The following PRTFDC1 variants were observed in gnomAD, a reference collection of about 807,000 sequenced individuals.
The protein encoded by PRTFDC1 is phosphoribosyl transferase domain containing 1.
In PRTFDC1, 38 loss-of-function variants were observed where a neutral mutation model predicts 34.6. The observed-to-expected ratio is 1.10, with a 90% CI of 0.85 to 1.44. PRTFDC1 has a LOEUF of 1.44. PRTFDC1 is among the 40% of genes most tolerant of loss of function. The probability of loss-of-function intolerance (pLI) is 0.00; values close to 1 mark genes in which losing one functional copy is unlikely to be tolerated. For missense variants in PRTFDC1, 270 were observed against 283.0 expected (o/e 0.95, Z 0.33); for synonymous variants, 93 against 98.1 (o/e 0.95, Z 0.31).
At chr10:24,902,381 C>T (rs542976872) in intron 3 of PRTFDC1, among the ~76,000 whole-genome samples, 62 of 152,296 alleles carry the variant, frequency 4.1e-4, no homozygotes, top group Middle Eastern at 3.4e-3. Context: ...AGACTGTAAC[C>T]TTCAGTACAG....
chr10:24,901,211 T>C (rs759766376), intron 3 of PRTFDC1, among the ~76,000 whole-genome samples: 4 of 152,194 alleles, frequency 2.6e-5, no homozygotes, highest in Non-Finnish European at 5.9e-5. Context: ...TTCTTGTTTT[T>C]TGAATGGCAG....
At chr10:24,935,305 A>T (rs1221247864) in intron 3 of PRTFDC1, among the ~76,000 whole-genome samples, 2 of 152,194 alleles carry the variant, frequency 1.3e-5, no homozygotes, top group East Asian at 1.9e-4. Flanking sequence ...GAATGAGAGA[A>T]ATCTGGTATG....
chr10:24,867,343 T>G (rs1588578830), intron 4 of PRTFDC1, among the ~76,000 whole-genome samples: 1 of 152,320 alleles, frequency 6.6e-6, no homozygotes, highest in East Asian at 1.9e-4. Flanking sequence ...CAAGTGCTCC[T>G]GCAGGCTCCG....
intron 3 of PRTFDC1, among the ~76,000 whole-genome samples, chr10:24,880,811 TTC>T (rs1304323137): frequency 3.1e-4 from 43 of 137,236 alleles, no homozygotes; most frequent in African/African-American, 9.0e-4. Flanking sequence ...TTTACTGTCT[TTC>T]TCTTTCTTTC....
At chr10:24,876,572 T>A (rs1847967407) in intron 3 of PRTFDC1, among the ~76,000 whole-genome samples, 1 of 151,620 alleles carries the variant, frequency 6.6e-6, no homozygotes, top group Non-Finnish European at 1.5e-5. Context: ...TGCACACCTA[T>A]AGTCCCAGCT....
At chr10:24,872,807 T>TATATATATATATATATA (rs1491555567) in intron 3 of PRTFDC1, among the ~76,000 whole-genome samples, 1 of 83,398 alleles carries the variant, frequency 1.2e-5, no homozygotes, top group African/African-American at 7.7e-5. Flanking sequence ...TATATATATA[T>TATATATATATATATATA]TTTTTTTTTT....
intron 8 of PRTFDC1, 40 bp from the exon 9 acceptor site, chr10:24,849,931 A>C: frequency 6.3e-7 from 1 of 1,595,778 alleles, no homozygotes; most frequent in Non-Finnish European, 8.6e-7. Flanking sequence ...GTTTCTTAAC[A>C]AAATATGAGA....
intron 1 of PRTFDC1, among the ~76,000 whole-genome samples, chr10:24,945,933 A>G (rs1338965400): frequency 6.6e-6 from 1 of 152,154 alleles, no homozygotes. Flanking sequence ...CCAGCTGTAC[A>G]TGAGGAGATT....
intron 4 of PRTFDC1, among the ~76,000 whole-genome samples, chr10:24,870,625 C>G (rs1298453646): frequency 6.6e-6 from 1 of 152,168 alleles, no homozygotes; most frequent in Non-Finnish European, 1.5e-5. Flanking sequence ...AGTATTTTAG[C>G]TTTCTAGGAT....
In PRTFDC1 at chr10:24,908,712, T is replaced by G. The variant is rs142359857; in HGVS notation, c.339+28472A>C. On this transcript the variant is annotated intron_variant, in intron 3 of 8. Transcript: ENST00000320152. Reference sequence around the variant, plus strand: ...TTTGGGAGAGACACACATGGAGCAGTGAGGGAGGAAGGAGACACCTACCTA... The same window carrying G: ...TTTGGGAGAGACACACATGGAGCAGGGAGGGAGGAAGGAGACACCTACCTA... 1,850 of 1,558,040 alleles carry G rather than the reference T, an allele frequency of 1.2e-3. 36 individuals are homozygous for G. In the Admixed American group the frequency reaches 0.025, roughly 21 times the overall value.
chr10:24,862,180 A>G (rs908595043), intron 4 of PRTFDC1, among the ~76,000 whole-genome samples: 5 of 152,196 alleles, frequency 3.3e-5, no homozygotes, highest in Non-Finnish European at 7.3e-5. Flanking sequence ...TGTATAGCCA[A>G]ACTATTATAA....
chr10:24,887,438 C>T (rs538900683), intron 3 of PRTFDC1, among the ~76,000 whole-genome samples: 3 of 144,280 alleles, frequency 2.1e-5, no homozygotes, highest in South Asian at 2.3e-4. Context: ...TGAGTTCTCA[C>T]GAGATCTGAT....
chr10:24,856,702 A>AC (rs1847583207), intron 6 of PRTFDC1, among the ~76,000 whole-genome samples: 1 of 152,256 alleles, frequency 6.6e-6, no homozygotes, highest in East Asian at 1.9e-4. Context: ...AGAGGAACTC[A>AC]GAAACACGGC....
At chr10:24,943,422 A>G (rs1011910497) in intron 1 of PRTFDC1, among the ~76,000 whole-genome samples, 1 of 152,136 alleles carries the variant, frequency 6.6e-6, no homozygotes, top group Admixed American at 6.5e-5. Context: ...AATAGTAAAG[A>G]GGTGGGGGAG....
At chr10:24,951,189 A>G (rs1174154298) in intron 1 of PRTFDC1, among the ~76,000 whole-genome samples, 3 of 152,084 alleles carry the variant, frequency 2.0e-5, no homozygotes, top group Admixed American at 2.0e-4. Flanking sequence ...CACCGCAGAG[A>G]GGCTGCCCTG....
At chr10:24,900,086 C>T (rs2132551993) in intron 3 of PRTFDC1, among the ~76,000 whole-genome samples, 1 of 152,334 alleles carries the variant, frequency 6.6e-6, no homozygotes, top group Admixed American at 6.5e-5. Context: ...GCTATTCCAT[C>T]AATGGGCAGA....
rs1555048865 is a variant in PRTFDC1 at position 24,895,709 on chromosome 10, A to ATATATATATC, written c.340-23647_340-23646insGATATATATA. ...GGTGGATATATATATATATATATAT[A>ATATATATATC]TATATATATATATATATATCTGTAA... On this transcript the variant is annotated intron_variant, in intron 3 of 8. Coordinates refer to ENST00000320152, the MANE Select transcript of PRTFDC1 (RefSeq NM_020200.7). Among the ~76,000 whole-genome samples, 478 of 137,384 alleles carry ATATATATATC rather than the reference A, an allele frequency of 3.5e-3. 5 individuals are homozygous for ATATATATATC. Among genetic ancestry groups the ATATATATATC allele is most frequent in the Non-Finnish European group, 5.6e-3 (355 of 63,698 alleles). 90.1% of individuals were successfully genotyped at this position (137,384 alleles called of 152,430 possible).
intron 1 of PRTFDC1, among the ~76,000 whole-genome samples, chr10:24,946,566 C>T (rs375739018): frequency 1.1e-4 from 16 of 152,122 alleles, no homozygotes; most frequent in East Asian, 7.7e-4. Flanking sequence ...ACACCTGGGA[C>T]AAGCCTGCCA....
chr10:24,933,483 A>C (rs1274688900), intron 3 of PRTFDC1, among the ~76,000 whole-genome samples: 2 of 152,196 alleles, frequency 1.3e-5, no homozygotes, highest in African/African-American at 4.8e-5. Flanking sequence ...CAAACCAGCA[A>C]ATGTAACTAT....
Sources: allele counts gnomAD v4.1 joint callset (sites outside exome capture counted in the v4.1 genomes callset), GRCh38; gene constraint gnomAD v4.1.1; transcripts MANE v1.5; gene names NCBI Gene and HGNC (gene_info 2026-07-23, HGNC 2026-07-21).